The following MTMR7 variants were observed in gnomAD, a reference collection of about 807,000 sequenced individuals.
MTMR7 encodes phosphatidylinositol-3-phosphate phosphatase MTMR7.
Under a neutral mutation model 81.2 loss-of-function variants are expected in MTMR7, and 76 were observed. The ratio of observed to expected loss-of-function variants is 0.94; its 90% confidence interval spans 0.78 to 1.13. The LOEUF (loss-of-function observed/expected upper bound fraction) is 1.13, where lower values mean the gene tolerates loss of function less well. Among genes scored for constraint, MTMR7 ranks in the 50% most tolerant of loss-of-function variants. The probability of loss-of-function intolerance (pLI) is 0.00; values close to 1 mark genes in which losing one functional copy is unlikely to be tolerated. For synonymous variants in MTMR7, 372 were observed against 289.8 expected, an observed-to-expected ratio of 1.28 and a Z score of -2.88; for missense variants, 1,044 against 820.0, an observed-to-expected ratio of 1.27 and a Z score of -3.34.
At chr8:17,364,884 C>T (rs1458926601) in intron 3 of MTMR7, among the ~76,000 whole-genome samples, 2 of 152,208 alleles carry the variant, frequency 1.3e-5, no homozygotes, top group Non-Finnish European at 2.9e-5. Context: ...AATGTGAGAG[C>T]AGACGTTTCT....
In MTMR7 at chr8:17,302,298, G is replaced by C. The variant is rs1405459005; in HGVS notation, c.1494-18C>G. The stretch of plus-strand genomic sequence containing the variant: ...TCCAAAACCTGGAAAGGATGGCAAA[G>C]CGTCGTGATACCACCTTATCACAGT... On this transcript the variant is annotated intron_variant, in intron 12 of 13. Transcript: ENST00000180173. 2 of 1,611,066 alleles carry C rather than the reference G, an allele frequency of 1.2e-6. No homozygotes were observed. Among genetic ancestry groups the C allele is most frequent in the African/African-American group, 2.7e-5 (2 of 74,730 alleles).
At chr8:17,347,234 A>G (rs1819582402) in intron 5 of MTMR7, among the ~76,000 whole-genome samples, 1 of 152,126 alleles carries the variant, frequency 6.6e-6, no homozygotes, top group African/African-American at 2.4e-5. Flanking sequence ...TTTGCCTCTA[A>G]CCAGTGCTCC....
At chr8:17,325,835 A>G (rs1359547124) in intron 7 of MTMR7, among the ~76,000 whole-genome samples, 4 of 152,240 alleles carry the variant, frequency 2.6e-5, no homozygotes, top group Non-Finnish European at 5.9e-5. Context: ...ATAGGAAGGC[A>G]TGGGGCCTAC....
chr8:17,340,465 C>A (rs973965528), intron 6 of MTMR7, among the ~76,000 whole-genome samples: 1 of 152,220 alleles, frequency 6.6e-6, no homozygotes, highest in African/African-American at 2.4e-5. Context: ...TCATCTCATT[C>A]TGTCTGCTGT....
intron 1 of MTMR7, among the ~76,000 whole-genome samples, chr8:17,375,091 A>G (rs1820540007): frequency 6.6e-6 from 1 of 152,184 alleles, no homozygotes; most frequent in Non-Finnish European, 1.5e-5. Flanking sequence ...CTCCTTCTCA[A>G]AAATGAATAA....
chr8:17,335,026 G>A (rs919849095), intron 6 of MTMR7, among the ~76,000 whole-genome samples: 1 of 152,192 alleles, frequency 6.6e-6, no homozygotes, highest in Non-Finnish European at 1.5e-5. Context: ...CACTACAACA[G>A]GCCCAGCCAA....
intron 1 of MTMR7, among the ~76,000 whole-genome samples, chr8:17,404,999 T>C (rs1821536228): frequency 6.6e-6 from 1 of 152,196 alleles, no homozygotes; most frequent in Non-Finnish European, 1.5e-5. Context: ...CTAATTTTTG[T>C]ATTTTATATT....
chr8:17,412,298 G>A (rs1305547919), intron 1 of MTMR7, among the ~76,000 whole-genome samples: 1 of 152,082 alleles, frequency 6.6e-6, no homozygotes, highest in Non-Finnish European at 1.5e-5. Context: ...TGGGATCCCT[G>A]GAACCACCTG....
intron 4 of MTMR7, among the ~76,000 whole-genome samples, chr8:17,359,921 G>A (rs1820009602): frequency 1.3e-5 from 2 of 152,030 alleles, no homozygotes; most frequent in African/African-American, 4.8e-5. Flanking sequence ...TTGTGTAGGT[G>A]TTTTGACATA....
intron 5 of MTMR7, among the ~76,000 whole-genome samples, chr8:17,347,229 C>G (rs941338843): frequency 6.6e-6 from 1 of 151,916 alleles, no homozygotes; most frequent in South Asian, 2.1e-4. Flanking sequence ...CTTCCTTTGC[C>G]TCTAACCAGT....
intron 5 of MTMR7, among the ~76,000 whole-genome samples, chr8:17,347,583 T>C (rs1819597251): frequency 6.6e-6 from 1 of 152,190 alleles, no homozygotes; most frequent in African/African-American, 2.4e-5. Context: ...CAGAAGTATA[T>C]TATCTAGCTT....
chr8:17,319,233 G>A (rs1052724202), intron 7 of MTMR7, among the ~76,000 whole-genome samples: 3 of 152,280 alleles, frequency 2.0e-5, no homozygotes, highest in African/African-American at 7.2e-5. Context: ...ACTGAGCCTC[G>A]CTGTCTTCAA....
Position 17,298,742 on chromosome 8 carries a change from T to A in MTMR7, c.*1120A>T, listed in dbSNP as rs1816904654. 6.6e-6 allele frequency: 1 copy of A among 152,558 alleles called. No individual in the cohort carries two copies. Among genetic ancestry groups the A allele is most frequent in the Non-Finnish European group, 1.5e-5 (1 of 67,998 alleles). The allele number at this position is 152,558 out of a possible 1,614,324, so 9.5% of individuals were successfully genotyped here. A position where few individuals can be genotyped will look rare whatever the true frequency, so the allele number is the denominator to read the frequency against. ...GCCACTTTTCCCCACTAAGTTTAAT[T>A]TAGGTCACCTAGTGAAGTCTTTTTT... On this transcript the variant is annotated 3_prime_UTR_variant, in exon 14 of 14. Transcript: ENST00000180173.
chr8:17,352,806 G>A (rs928706942), intron 4 of MTMR7, among the ~76,000 whole-genome samples: 8 of 152,138 alleles, frequency 5.3e-5, no homozygotes, highest in Admixed American at 2.6e-4. Flanking sequence ...ACTAGTACTG[G>A]TGAGCACTCA....
At chr8:17,309,444 C>T (rs1817667671) in intron 9 of MTMR7, 118 bp from the exon 10 acceptor site, 1 of 722,646 alleles carries the variant, frequency 1.4e-6, no homozygotes, top group African/African-American at 1.8e-5. Flanking sequence ...CTCGAGTAAC[C>T]TGCAAATGCA....
intron 4 of MTMR7, among the ~76,000 whole-genome samples, chr8:17,351,019 T>C (rs1819713559): frequency 6.6e-6 from 1 of 152,148 alleles, no homozygotes; most frequent in African/African-American, 2.4e-5. Flanking sequence ...CCCTTGCCAA[T>C]CTGGTGTCTG....
rs367618699 is a variant in MTMR7 at position 17,300,053 on chromosome 8, C to T, written c.1792G>A (p.Asp598Asn). ...SFPSRSPSQG[D>N]EDSALILTQD... ...GTTAGAATCAGAGCAGAATCTTCAT[C>T]GCCTTGTGAAGGGCTCCGGGATGGA... Residue 598 changes from aspartate to asparagine, a missense_variant, in exon 14 of 14, where the codon GAT becomes AAT. Asp to Asn is a conservative substitution (Grantham distance 23). Coordinates refer to ENST00000180173, the MANE Select transcript of MTMR7 (RefSeq NM_004686.5). The T allele has an allele frequency of 1.5e-5, 24 of 1,614,026 alleles. No homozygotes were observed. Among genetic ancestry groups the T allele is most frequent in the East Asian group, 8.9e-5 (4 of 44,886 alleles).
chr8:17,321,744 T>A (rs1818398240), intron 7 of MTMR7, among the ~76,000 whole-genome samples: 1 of 152,328 alleles, frequency 6.6e-6, no homozygotes, highest in East Asian at 1.9e-4. Flanking sequence ...CAGAGACATA[T>A]GCCACAAATT....
chr8:17,334,434 C>A (rs1427736569), intron 6 of MTMR7, among the ~76,000 whole-genome samples: 2 of 152,172 alleles, frequency 1.3e-5, no homozygotes, highest in Non-Finnish European at 2.9e-5. Context: ...ATTTCAGGTC[C>A]TAAAAGTTCT....
Sources: allele counts gnomAD v4.1 joint callset (sites outside exome capture counted in the v4.1 genomes callset), GRCh38; gene constraint gnomAD v4.1.1; transcripts MANE v1.5; gene names NCBI Gene and HGNC (gene_info 2026-07-23, HGNC 2026-07-21).